TACC2: variants seen among roughly 807,000 people sequenced by gnomAD.
The protein encoded by TACC2 is transforming acidic coiled-coil-containing protein 2.
In TACC2, 137 loss-of-function variants were observed where a neutral mutation model predicts 227.3. The ratio of observed to expected loss-of-function variants is 0.60; its 90% CI spans 0.52 to 0.69. The LOEUF is 0.69. Ranked by LOEUF, TACC2 falls within the 30% of genes least tolerant of loss-of-function variation. The pLI is 0.00. For missense variants in TACC2, 3,470 were observed against 3,694.4 expected (o/e 0.94, Z 1.57); for synonymous variants, 1,523 against 1,487.5 (o/e 1.02, Z -0.55).
At chr10:122,080,211 C>CTTTTTTTTTTTT (rs111618289) in intron 3 of TACC2, among the ~76,000 whole-genome samples, 1 of 113,200 alleles carries the variant, frequency 8.8e-6, no homozygotes, top group African/African-American at 4.0e-5. Context: ...TCTTCCTTTC[C>CTTTTTTTTTTTT]TTTTTTTTTT....
At chr10:122,139,068 C>T (rs777505559) in intron 6 of TACC2, among the ~76,000 whole-genome samples, 11 of 152,304 alleles carry the variant, frequency 7.2e-5, no homozygotes, top group Admixed American at 2.0e-4. Context: ...ATAACTTGGA[C>T]GATCCAAGCC....
At position 122,216,658 on chromosome 10, in the gene TACC2, C is replaced by T; in HGVS notation, c.7376C>T (p.Pro2459Leu). ...DPTPAATPET[P>L]PVISAVVHAT... is the part of the protein sequence containing the mutation. The stretch of plus-strand genomic sequence containing the variant: ...ACCCCAGCTGCTACACCAGAAACAC[C>T]ACCAGTGATCTCTGCGGTGGTCCAC... Residue 2459 changes from proline to leucine, a missense_variant, in exon 11 of 23, where the codon CCA becomes CTA. Coordinates refer to ENST00000369005, the MANE Select transcript of TACC2 (RefSeq NM_206862.4). 1 of 1,614,018 alleles carries T rather than the reference C, an allele frequency of 6.2e-7. No individual in the cohort carries two copies. The highest frequency in any genetic ancestry group is 1.1e-5 in the South Asian group (1 of 91,066).
chr10:122,140,886 G>A (rs1473458418), intron 6 of TACC2, among the ~76,000 whole-genome samples: 1 of 152,196 alleles, frequency 6.6e-6, no homozygotes, highest in African/African-American at 2.4e-5. Context: ...ACCAGCTTCC[G>A]AATGCCGTGG....
chr10:122,234,770 A>G (rs1350634949), intron 16 of TACC2, among the ~76,000 whole-genome samples: 3 of 152,176 alleles, frequency 2.0e-5, no homozygotes, highest in Admixed American at 6.5e-5. Flanking sequence ...GATTTTAGGC[A>G]GCATAAAGAT....
At chr10:122,111,306 A>C (rs1404550075) in intron 5 of TACC2, among the ~76,000 whole-genome samples, 2 of 152,198 alleles carry the variant, frequency 1.3e-5, no homozygotes, top group African/African-American at 2.4e-5. Flanking sequence ...GTAGATTTCG[A>C]AACAGAGTGG....
chr10:122,104,283 A>G (rs1431725993), intron 5 of TACC2, among the ~76,000 whole-genome samples: 1 of 152,126 alleles, frequency 6.6e-6, no homozygotes, highest in Admixed American at 6.5e-5. Context: ...CATGACATTT[A>G]CCATCTCTGT....
chr10:122,239,366 A>G (rs1162448435), intron 18 of TACC2, among the ~76,000 whole-genome samples: 1 of 152,224 alleles, frequency 6.6e-6, no homozygotes, highest in Non-Finnish European at 1.5e-5. Context: ...TTAAGCAGAA[A>G]AGCGAACTGT....
rs1956862980 is a variant in TACC2, at chr10:122,017,845, G to GAC, written c.-45-4091_-45-4090insCA. Among the ~76,000 whole-genome samples, 9 of 126,536 alleles carry GAC rather than the reference G, an allele frequency of 7.1e-5. No homozygotes were observed. In the South Asian group the frequency reaches 1.9e-3, roughly 27 times the overall value. 83.0% of individuals were successfully genotyped at this position (126,536 alleles called of 152,430 possible). ...AAAAAAAAAAAAAAAAAAAGACAAA[G>GAC]AAAAGAAAAAGAAAAAGAAAAATTC... On this transcript the variant is annotated intron_variant, in intron 1 of 22. Coordinates refer to ENST00000369005, the MANE Select transcript of TACC2 (RefSeq NM_206862.4).
chr10:121,996,055 G>A (rs535845703), intron 1 of TACC2, among the ~76,000 whole-genome samples: 5 of 151,890 alleles, frequency 3.3e-5, no homozygotes, highest in East Asian at 2.0e-4. Flanking sequence ...CCTGGCTGCC[G>A]GGCCCTTTTC....
intron 3 of TACC2, among the ~76,000 whole-genome samples, chr10:122,058,993 A>G (rs1479370350): frequency 6.6e-6 from 1 of 151,020 alleles, no homozygotes; most frequent in Admixed American, 6.6e-5. Context: ...CCCGGGTTCA[A>G]GCCATTCTCC....
At chr10:122,017,325 C>T (rs921292938) in intron 1 of TACC2, among the ~76,000 whole-genome samples, 1 of 152,086 alleles carries the variant, frequency 6.6e-6, no homozygotes, top group East Asian at 1.9e-4. Flanking sequence ...GCGTCGCCTG[C>T]GAAGTCCCCT....
intron 9 of TACC2, among the ~76,000 whole-genome samples, chr10:122,213,730 C>T (rs1022460153): frequency 2.6e-5 from 4 of 152,078 alleles, no homozygotes; most frequent in Admixed American, 1.3e-4. Flanking sequence ...GGCTAGTGGG[C>T]GATTGCTTTC....
chr10:122,165,337 C>A (rs915395924), intron 7 of TACC2, among the ~76,000 whole-genome samples: 1 of 152,032 alleles, frequency 6.6e-6, no homozygotes, highest in Non-Finnish European at 1.5e-5. Flanking sequence ...AGGCACTGGC[C>A]AACTCTCACG....
chr10:122,026,982 G>A (rs1958113598), intron 2 of TACC2, among the ~76,000 whole-genome samples: 1 of 152,164 alleles, frequency 6.6e-6, no homozygotes. Context: ...AGATACCAGC[G>A]AGCGTGATTG....
chr10:122,216,862 C>G (rs767389236), intron 11 of TACC2, 34 bp downstream of exon 11: 2 of 1,614,164 alleles, frequency 1.2e-6, no homozygotes, highest in Non-Finnish European at 1.7e-6. Flanking sequence ...GACCCCCACT[C>G]TGCCTCGGAG....
At chr10:122,120,459 G>A (rs1392892246) in intron 5 of TACC2, among the ~76,000 whole-genome samples, 3 of 152,136 alleles carry the variant, frequency 2.0e-5, no homozygotes, top group East Asian at 1.9e-4. Context: ...TAGAGCCACC[G>A]CGGGTGCCCT....
chr10:122,203,967 C>A (rs1433170369), intron 8 of TACC2, among the ~76,000 whole-genome samples: 1 of 151,698 alleles, frequency 6.6e-6, no homozygotes, highest in Non-Finnish European at 1.5e-5. Context: ...ACCAGCCCGG[C>A]CAACACAGCG....
At chr10:122,222,447 G>A (rs1209875345) in intron 11 of TACC2, among the ~76,000 whole-genome samples, 1 of 152,220 alleles carries the variant, frequency 6.6e-6, no homozygotes, top group East Asian at 1.9e-4. Context: ...ACTCATCTGG[G>A]ATTGATGGGG....
At chr10:122,201,640 T>A (rs1005892530) in intron 8 of TACC2, among the ~76,000 whole-genome samples, 1 of 152,180 alleles carries the variant, frequency 6.6e-6, no homozygotes, top group Admixed American at 6.5e-5. Flanking sequence ...GCTTGACTGC[T>A]CTCCACATCC....
Sources: allele counts gnomAD v4.1 joint callset (sites outside exome capture counted in the v4.1 genomes callset), GRCh38; gene constraint gnomAD v4.1.1; transcripts MANE v1.5; gene names NCBI Gene and HGNC (gene_info 2026-07-23, HGNC 2026-07-21).